Variants in NEDD4L observed in about 807,000 individuals in gnomAD.
NEDD4L encodes the protein NEDD4 like E3 ubiquitin protein ligase.
NEDD4L carries 54 observed loss-of-function variants against 148.9 expected under a neutral mutation model. The ratio of observed to expected loss-of-function variants is 0.36; its 90% CI spans 0.29 to 0.45. The LOEUF is 0.45. NEDD4L is among the 20% of genes least tolerant of loss of function. NEDD4L has a pLI of 1.00. For missense variants in NEDD4L, 856 were observed against 1,233.8 expected, an observed-to-expected ratio of 0.69 and a Z score of 4.59; for synonymous variants, 433 against 440.7, an observed-to-expected ratio of 0.98 and a Z score of 0.22.
chr18:58,064,338 C>T (rs536359869), intron 1 of NEDD4L, among the ~76,000 whole-genome samples: 21 of 152,296 alleles, frequency 1.4e-4, no homozygotes, highest in African/African-American at 4.8e-4. Flanking sequence ...ATAGCCATCA[C>T]TATAACACCG....
chr18:58,393,962 C>T (rs543871325), intron 30 of NEDD4L, among the ~76,000 whole-genome samples: 3 of 152,298 alleles, frequency 2.0e-5, no homozygotes, highest in African/African-American at 7.2e-5. Flanking sequence ...TAAAATTACT[C>T]TTCATTAAGA....
chr18:58,234,366 C>G (rs1188087539), intron 2 of NEDD4L, among the ~76,000 whole-genome samples: 1 of 132,858 alleles, frequency 7.5e-6, no homozygotes, highest in African/African-American at 2.8e-5. Flanking sequence ...GGGTCTTGTT[C>G]TGTCATCTAG....
intron 5 of NEDD4L, among the ~76,000 whole-genome samples, chr18:58,261,239 T>C (rs1288378245): frequency 6.6e-6 from 1 of 152,232 alleles, no homozygotes; most frequent in Non-Finnish European, 1.5e-5. Flanking sequence ...CTATGCATTA[T>C]AGAAAAGGAC....
intron 1 of NEDD4L, among the ~76,000 whole-genome samples, chr18:58,161,444 T>C (rs948471897): frequency 5.3e-5 from 8 of 151,712 alleles, no homozygotes; most frequent in Admixed American, 1.3e-4. Context: ...TCTTTTTTTT[T>C]TTTTTTTTAA....
intron 15 of NEDD4L, 79 bp downstream of exon 15, chr18:58,341,876 A>G (rs2042471554): frequency 1.3e-6 from 2 of 1,504,198 alleles, no homozygotes; most frequent in East Asian, 2.5e-5. Context: ...CTCTGCCTTC[A>G]GTTTCGCAGC....
chr18:58,271,186 C>T (rs1219726821), intron 5 of NEDD4L, among the ~76,000 whole-genome samples: 1 of 152,002 alleles, frequency 6.6e-6, no homozygotes, highest in Non-Finnish European at 1.5e-5. Flanking sequence ...GAATTAGTAT[C>T]AGCAAACACA....
At chr18:58,050,848 C>T (rs1355934995) in intron 1 of NEDD4L, among the ~76,000 whole-genome samples, 1 of 152,164 alleles carries the variant, frequency 6.6e-6, no homozygotes, top group Non-Finnish European at 1.5e-5. Flanking sequence ...AGTTTCTTTA[C>T]CATTACAGAA....
rs3760545 is a variant in NEDD4L at position 58,401,299 on chromosome 18, T to C, written c.*5030T>C. ...CCTTGAATTTTTTTAAGGCAACTTATGAATAATGCTCATTTTCACAGTCAG... is the reference window on the plus strand; with the variant it reads ...CCTTGAATTTTTTTAAGGCAACTTACGAATAATGCTCATTTTCACAGTCAG... On this transcript the variant is annotated 3_prime_UTR_variant, in exon 31 of 31. Transcript: ENST00000400345. 24 of 152,356 alleles carry C rather than the reference T, an allele frequency of 1.6e-4. No homozygotes were observed. In the East Asian group the frequency reaches 2.5e-3, roughly 16 times the overall value. 9.4% of individuals were successfully genotyped at this position (152,356 alleles called of 1,614,324 possible).
chr18:58,381,520 C>T (rs2048329329), intron 24 of NEDD4L, among the ~76,000 whole-genome samples: 1 of 152,172 alleles, frequency 6.6e-6, no homozygotes, highest in Non-Finnish European at 1.5e-5. Context: ...TACTTGACCT[C>T]CTTCCCCTTC....
chr18:58,248,880 A>C lies in NEDD4L; in HGVS notation c.205-19A>C. On this transcript the variant is annotated intron_variant, in intron 3 of 30. Coordinates refer to ENST00000400345, the MANE Select transcript of NEDD4L (RefSeq NM_001144967.3). ...TGTTTGAAAGACTAAAAGATACTAC[A>C]AGATAATTTCTCTTCCAGACACTGA... 1.5e-6 allele frequency: 2 copies of C among 1,379,118 alleles called. No homozygotes were observed. Among genetic ancestry groups the C allele is most frequent in the Non-Finnish European group, 2.0e-6 (2 of 989,668 alleles). The allele number at this position is 1,379,118 out of a possible 1,614,324, so 85.4% of individuals were successfully genotyped here.
At chr18:58,082,079 A>AATATATATATATATATAT (rs72331379) in intron 1 of NEDD4L, among the ~76,000 whole-genome samples, 3 of 89,980 alleles carry the variant, frequency 3.3e-5, no homozygotes, top group African/African-American at 1.7e-4. Context: ...CTTTCTGATG[A>AATATATATATATATATAT]ATATATATAT....
At chr18:58,296,524 T>G (rs997136606) in intron 5 of NEDD4L, among the ~76,000 whole-genome samples, 1 of 152,236 alleles carries the variant, frequency 6.6e-6, no homozygotes, top group Non-Finnish European at 1.5e-5. Context: ...ATCTGCCCCT[T>G]GCTTCCTCCA....
intron 16 of NEDD4L, among the ~76,000 whole-genome samples, chr18:58,345,899 A>G (rs2042980670): frequency 1.4e-5 from 2 of 147,430 alleles, no homozygotes; most frequent in Non-Finnish European, 3.0e-5. Context: ...ATGCCACCAC[A>G]CCAGCTAATT....
chr18:58,072,535 T>C (rs1376325513), intron 1 of NEDD4L, among the ~76,000 whole-genome samples: 1 of 152,206 alleles, frequency 6.6e-6, no homozygotes, highest in African/African-American at 2.4e-5. Context: ...TCAGTACTTT[T>C]TCTTGATGAA....
At chr18:58,248,631 T>C (rs2047553676) in intron 3 of NEDD4L, among the ~76,000 whole-genome samples, 2 of 152,208 alleles carry the variant, frequency 1.3e-5, no homozygotes, top group South Asian at 4.1e-4. Context: ...TTTTTATATT[T>C]TCACGATGAC....
chr18:58,279,418 A>G (rs918082055), intron 5 of NEDD4L, among the ~76,000 whole-genome samples: 3 of 152,244 alleles, frequency 2.0e-5, no homozygotes, highest in South Asian at 4.1e-4. Flanking sequence ...GGTGCGACCA[A>G]GGGTCCTGAA....
intron 2 of NEDD4L, among the ~76,000 whole-genome samples, chr18:58,221,107 CA>C (rs1568416246): frequency 6.6e-6 from 1 of 152,152 alleles, no homozygotes; most frequent in Non-Finnish European, 1.5e-5. Context: ...CTCTTCAAGA[CA>C]ATAAGCTTTT....
intron 9 of NEDD4L, among the ~76,000 whole-genome samples, chr18:58,327,149 CCA>C (rs1460162757): frequency 6.6e-6 from 1 of 152,128 alleles, no homozygotes; most frequent in Non-Finnish European, 1.5e-5. Context: ...ACTCTGTCAC[CCA>C]CAGTGGCACC....
intron 2 of NEDD4L, among the ~76,000 whole-genome samples, chr18:58,209,188 T>C (rs78380454): frequency 0.012 from 143 of 11,562 alleles, 27 homozygotes; most frequent in Middle Eastern, 0.056. Flanking sequence ...CCCCCTCCTC[T>C]TCCTCCACCT....
Sources: gnomAD v4.1 joint callset for allele counts (sites outside exome capture counted in the v4.1 genomes callset) on GRCh38, gnomAD v4.1.1 for gene constraint, MANE v1.5 for transcripts, NCBI Gene and HGNC (gene_info 2026-07-23, HGNC 2026-07-21) for gene names.